The following PRUNE2 variants were observed in gnomAD, a reference collection of about 807,000 sequenced individuals.
PRUNE2 encodes the protein prune homolog 2 with BCH domain, also known as protein prune homolog 2.
In PRUNE2, 164 loss-of-function variants were observed where a neutral mutation model predicts 252.0. The ratio of observed to expected loss-of-function variants is 0.65; its 90% confidence interval spans 0.57 to 0.74. The LOEUF (loss-of-function observed/expected upper bound fraction) is 0.74. PRUNE2 is among the 30% of genes least tolerant of loss of function. The probability of loss-of-function intolerance (pLI) is 0.00; values close to 1 mark genes in which losing one functional copy is unlikely to be tolerated. For synonymous variants in PRUNE2, 1,292 were observed against 1,350.2 expected, an observed-to-expected ratio of 0.96 and a Z score of 0.94; for missense variants, 3,495 against 3,711.0, an observed-to-expected ratio of 0.94 and a Z score of 1.51.
chr9:76,831,091 A>G (rs1005085643), intron 4 of PRUNE2, among the ~76,000 whole-genome samples: 3 of 151,988 alleles, frequency 2.0e-5, no homozygotes. Context: ...CACCACGCCC[A>G]GCTAATTTTT....
intron 1 of PRUNE2, among the ~76,000 whole-genome samples, chr9:76,880,201 C>G (rs944959159): frequency 2.1e-4 from 28 of 133,810 alleles, no homozygotes; most frequent in Non-Finnish European, 1.3e-4. Flanking sequence ...GCGTGAGCCA[C>G]CATGCCTGGC....
intron 5 of PRUNE2, 44 bp from the exon 6 acceptor site, chr9:76,823,770 A>ATT: frequency 5.4e-6 from 6 of 1,114,664 alleles, no homozygotes; most frequent in South Asian, 1.5e-5. Context: ...TACTTGAGGG[A>ATT]TTTTTTTTTT....
rs759458568 is a variant in PRUNE2, at chr9:76,703,618, T to G, written c.7995A>C (p.Glu2665Asp). The G allele has an allele frequency of 6.2e-7, 1 of 1,612,776 alleles. No individual in the cohort carries two copies. The stretch of plus-strand genomic sequence containing the variant: ...GCTGGGGACCCTCACCCAAGCCGAG[T>G]TCAGAGAACGGCTCCACAGTCTTGC... The part of the protein sequence containing the change: ...WSGKTVEPFS[E>D]LGLGEGPQLQ... The change falls in exon 9 of 19, where the codon GAA becomes GAC. Residue 2665 changes from glutamate to aspartate, a missense_variant. Physicochemically the swap from Glu to Asp is conservative, Grantham distance 45. Transcript: ENST00000376718.
In PRUNE2 at chr9:76,708,065, A is replaced by G; in HGVS notation, c.4209T>C (p.Tyr1403=). The change falls in exon 8 of 19, where the codon TAT becomes TAC. Residue 1403 remains tyrosine, a synonymous_variant. Transcript: ENST00000376718. ...AGTCTAGATTGTAAGACCCCTCCTC[A>G]TACTCTAAAACTTCCTCTGGTTCCT... is the stretch of plus-strand genomic sequence containing the variant. ...QTEEPEEVLE[Y]EEGSYNLDSR... 2.5e-6 allele frequency: 4 copies of G among 1,613,956 alleles called. No homozygotes were observed. The highest frequency in any genetic ancestry group is 3.4e-6 in the Non-Finnish European group (4 of 1,179,896).
intron 3 of PRUNE2, among the ~76,000 whole-genome samples, chr9:76,847,483 G>T (rs2059732031): frequency 6.6e-6 from 1 of 151,692 alleles, no homozygotes; most frequent in Non-Finnish European, 1.5e-5. Flanking sequence ...AAAAACTGAG[G>T]CACAAAGAGG....
intron 17 of PRUNE2, among the ~76,000 whole-genome samples, chr9:76,623,327 G>A (rs1194344039): frequency 6.7e-6 from 1 of 148,270 alleles, no homozygotes; most frequent in Non-Finnish European, 1.5e-5. Flanking sequence ...ATGGAGTCTC[G>A]CTCTGTCCCC....
intron 6 of PRUNE2, among the ~76,000 whole-genome samples, chr9:76,723,044 G>A (rs935527548): frequency 6.6e-5 from 10 of 152,162 alleles, no homozygotes; most frequent in Admixed American, 1.3e-4. Flanking sequence ...CGCTGCTTAC[G>A]TCTTTTGAAG....
intron 4 of PRUNE2, among the ~76,000 whole-genome samples, chr9:76,831,817 C>T (rs2058690582): frequency 6.6e-6 from 1 of 152,104 alleles, no homozygotes; most frequent in African/African-American, 2.4e-5. Context: ...GATTCAAAGA[C>T]AAATATCATC....
At chr9:76,627,304 G>GGGA (rs1554769366) in intron 16 of PRUNE2, among the ~76,000 whole-genome samples, 1 of 118,980 alleles carries the variant, frequency 8.4e-6, no homozygotes, top group East Asian at 3.0e-4. Flanking sequence ...GGTGGCGGGG[G>GGGA]GCTCACCATG....
chr9:76,818,260 T>C (rs1282471079), intron 6 of PRUNE2, among the ~76,000 whole-genome samples: 1 of 152,178 alleles, frequency 6.6e-6, no homozygotes, highest in East Asian at 1.9e-4. Flanking sequence ...ATTGTGTGCA[T>C]AAAATTGGTA....
At chr9:76,888,992 G>A (rs1424945979) in intron 1 of PRUNE2, among the ~76,000 whole-genome samples, 1 of 151,972 alleles carries the variant, frequency 6.6e-6, no homozygotes, top group African/African-American at 2.4e-5. Flanking sequence ...ACAGGCATGT[G>A]TCACCACACC....
intron 9 of PRUNE2, among the ~76,000 whole-genome samples, chr9:76,667,425 C>A (rs1276616029): frequency 6.6e-6 from 1 of 152,234 alleles, no homozygotes; most frequent in African/African-American, 2.4e-5. Flanking sequence ...TAGGCTCCTG[C>A]CATCTGCAGC....
intron 1 of PRUNE2, among the ~76,000 whole-genome samples, chr9:76,885,792 G>A (rs1589768833): frequency 6.6e-6 from 1 of 152,100 alleles, no homozygotes; most frequent in Non-Finnish European, 1.5e-5. Flanking sequence ...TGTGCAAAAT[G>A]GGGATAACAG....
At chr9:76,670,457 C>T (rs925420535) in intron 9 of PRUNE2, among the ~76,000 whole-genome samples, 10 of 151,630 alleles carry the variant, frequency 6.6e-5, no homozygotes, top group Admixed American at 2.0e-4. Context: ...AACTGCAAGG[C>T]GGCAGTGAGG....
intron 6 of PRUNE2, among the ~76,000 whole-genome samples, chr9:76,798,325 C>T (rs114030986): frequency 0.011 from 1,748 of 152,244 alleles, 29 homozygotes; most frequent in African/African-American, 0.038. Context: ...AACTACCATA[C>T]TGGTTCCTGT....
At position 76,794,196 on chromosome 9, in the gene PRUNE2, G is replaced by A. The variant is rs112973604; in HGVS notation, c.756+29436C>T. On this transcript the variant is annotated intron_variant, in intron 6 of 18. Coordinates refer to ENST00000376718, the MANE Select transcript of PRUNE2 (RefSeq NM_015225.3). ...GTTTTTAAGTATCTTTTTCACCAAC[G>A]AGATACGGTGCTTCAGAGAAAATAA... is the stretch of plus-strand genomic sequence containing the variant. Among the ~76,000 whole-genome samples, 796 of 152,234 alleles carry A rather than the reference G, an allele frequency of 5.2e-3. 9 individuals are homozygous for A. The highest frequency in any genetic ancestry group is 0.018 in the African/African-American group (744 of 41,540).
intron 6 of PRUNE2, among the ~76,000 whole-genome samples, chr9:76,746,737 A>G (rs1187428854): frequency 1.7e-5 from 2 of 117,220 alleles, no homozygotes; most frequent in East Asian, 3.1e-4. Context: ...AAAAAAAAAA[A>G]AAAACCCCAA....
intron 1 of PRUNE2, 23 bp downstream of exon 1, chr9:76,905,905 A>C: frequency 6.2e-7 from 1 of 1,613,894 alleles, no homozygotes; most frequent in Non-Finnish European, 8.5e-7. Context: ...GCGCACACAC[A>C]CAGCTTTGCT....
chr9:76,642,560 G>A (rs545211998), intron 12 of PRUNE2, among the ~76,000 whole-genome samples: 33 of 152,286 alleles, frequency 2.2e-4, no homozygotes, highest in African/African-American at 2.6e-4. Flanking sequence ...CTACTGGCCC[G>A]AATGAGAAAA....
Sources: gnomAD v4.1 joint callset for allele counts (sites outside exome capture counted in the v4.1 genomes callset) on GRCh38, gnomAD v4.1.1 for gene constraint, MANE v1.5 for transcripts, NCBI Gene and HGNC (gene_info 2026-07-23, HGNC 2026-07-21) for gene names.